The following ELAVL2 variants were observed in gnomAD, a reference collection of about 807,000 sequenced individuals.
ELAVL2 encodes the protein ELAV-like protein 2.
A neutral mutation model predicts 34.6 loss-of-function variants in ELAVL2; 4 were observed. That is an observed-to-expected ratio of 0.12 (90% CI 0.06 to 0.26). ELAVL2 has a LOEUF of 0.26. ELAVL2 is among the 10% of genes least tolerant of loss of function. The probability of loss-of-function intolerance (pLI) is 1.00; values close to 1 mark genes in which losing one functional copy is unlikely to be tolerated. For synonymous variants in ELAVL2, 193 were observed against 154.8 expected, an observed-to-expected ratio of 1.25 and a Z score of -1.83; for missense variants, 432 against 442.8, an observed-to-expected ratio of 0.98 and a Z score of 0.22.
At chr9:23,792,793 C>A (rs912289989) in intron 1 of ELAVL2, among the ~76,000 whole-genome samples, 2 of 151,962 alleles carry the variant, frequency 1.3e-5, no homozygotes, top group African/African-American at 4.8e-5. Flanking sequence ...TTTTTAGACA[C>A]AAGTTCTTAC....
At chr9:23,743,839 G>A (rs542068934) in intron 2 of ELAVL2, among the ~76,000 whole-genome samples, 14 of 152,110 alleles carry the variant, frequency 9.2e-5, no homozygotes, top group Non-Finnish European at 1.9e-4. Flanking sequence ...GAAGTTACTC[G>A]ATTTGCTTAT....
chr9:23,790,421 T>C (rs1489051884), intron 1 of ELAVL2, among the ~76,000 whole-genome samples: 1 of 152,204 alleles, frequency 6.6e-6, no homozygotes, highest in African/African-American at 2.4e-5. Flanking sequence ...TGCTTTGGAA[T>C]AGATTTTCTA....
the ELAVL2 span, among the ~76,000 whole-genome samples, chr9:23,843,262 T>C: frequency 6.6e-6 from 1 of 152,064 alleles, no homozygotes; most frequent in East Asian, 1.9e-4. Context: ...CTTATAACAA[T>C]GTTGAGAGGA....
intron 2 of ELAVL2, among the ~76,000 whole-genome samples, chr9:23,752,409 T>C (rs1479167881): frequency 6.6e-6 from 1 of 151,964 alleles, no homozygotes; most frequent in African/African-American, 2.4e-5. Flanking sequence ...CCAAACTAAG[T>C]AACAAACCTA....
At chr9:23,780,713 A>G (rs574466677) in intron 1 of ELAVL2, among the ~76,000 whole-genome samples, 1 of 152,358 alleles carries the variant, frequency 6.6e-6, no homozygotes, top group African/African-American at 2.4e-5. Flanking sequence ...ATTTTCCATA[A>G]CTAAAACATC....
chr9:23,788,038 G>T (rs956221752), intron 1 of ELAVL2, among the ~76,000 whole-genome samples: 4 of 152,314 alleles, frequency 2.6e-5, no homozygotes, highest in Admixed American at 2.6e-4. Context: ...TCATTTTGCT[G>T]AGAGAATGAA....
chr9:23,768,416 C>G (rs2056719540), intron 1 of ELAVL2, among the ~76,000 whole-genome samples: 2 of 151,494 alleles, frequency 1.3e-5, no homozygotes, highest in Non-Finnish European at 2.9e-5. Context: ...GAGCAAATCC[C>G]TCCCTAAATG....
At chr9:23,751,743 C>T (rs968133) in intron 2 of ELAVL2, among the ~76,000 whole-genome samples, 147 of 152,282 alleles carry the variant, frequency 9.7e-4, no homozygotes, top group African/African-American at 3.5e-3. Context: ...CCTTCGAAAG[C>T]CCAGTAATAG....
At chr9:23,810,476 C>T (rs567007127) in intron 1 of ELAVL2, among the ~76,000 whole-genome samples, 1 of 152,096 alleles carries the variant, frequency 6.6e-6, no homozygotes, top group Non-Finnish European at 1.5e-5. Context: ...GCCTCTAAAG[C>T]AATTTAATAT....
chr9:23,779,701 A>T (rs2136711750), intron 1 of ELAVL2, among the ~76,000 whole-genome samples: 1 of 152,104 alleles, frequency 6.6e-6, no homozygotes, highest in African/African-American at 2.4e-5. Flanking sequence ...ACCACCATCC[A>T]ATTCATAAGG....
intron 1 of ELAVL2, among the ~76,000 whole-genome samples, chr9:23,795,748 T>C (rs1442260192): frequency 6.6e-6 from 1 of 152,170 alleles, no homozygotes; most frequent in East Asian, 1.9e-4. Flanking sequence ...AGAACGAATA[T>C]TCCTTTGTTC....
chr9:23,723,497 T>C (rs975330819), intron 3 of ELAVL2, among the ~76,000 whole-genome samples: 5 of 151,878 alleles, frequency 3.3e-5, no homozygotes, highest in African/African-American at 9.7e-5. Flanking sequence ...CACACCAGCA[T>C]GGCACATGTA....
chr9:23,809,616 T>G (rs1454972091), intron 1 of ELAVL2, among the ~76,000 whole-genome samples: 3 of 152,180 alleles, frequency 2.0e-5, no homozygotes, highest in Non-Finnish European at 4.4e-5. Context: ...ATCAGTCTCA[T>G]GTACTATATT....
chr9:23,695,970 T>C (rs1385226191), intron 5 of ELAVL2, among the ~76,000 whole-genome samples: 1 of 152,198 alleles, frequency 6.6e-6, no homozygotes, highest in Admixed American at 6.5e-5. Context: ...GAATTTTTTA[T>C]AACAGGATCT....
At chr9:23,778,567 A>C (rs1265021366) in intron 1 of ELAVL2, among the ~76,000 whole-genome samples, 2 of 152,122 alleles carry the variant, frequency 1.3e-5, no homozygotes, top group African/African-American at 2.4e-5. Context: ...TACAGCCTTA[A>C]TGTTCCGGCC....
Position 23,701,359 on chromosome 9 carries a change from A to C in ELAVL2, c.713+20T>G, listed in dbSNP as rs1352167252. On this transcript the variant is annotated intron_variant, in intron 5 of 6. Transcript: ENST00000397312. Reference sequence around the variant, plus strand: ...CTCTTTCAGTTTAGTAGCTGGGCACAAGAACCAAACCAGACTTACCTAAAA... The same window carrying C: ...CTCTTTCAGTTTAGTAGCTGGGCACCAGAACCAAACCAGACTTACCTAAAA... 3.7e-6 allele frequency: 6 copies of C among 1,613,182 alleles called. No homozygotes were observed. Among genetic ancestry groups the C allele is most frequent in the Non-Finnish European group, 5.1e-6 (6 of 1,179,196 alleles).
chr9:23,697,094 T>C (rs1299002505), intron 5 of ELAVL2, among the ~76,000 whole-genome samples: 1 of 152,092 alleles, frequency 6.6e-6, no homozygotes, highest in African/African-American at 2.4e-5. Flanking sequence ...CTCTTTAGCC[T>C]GAACAAAATC....
chr9:23,830,626 C>CACACACACACACACACACACACCT (rs1491521757), upstream of ELAVL2, among the ~76,000 whole-genome samples: 5 of 72,550 alleles, frequency 6.9e-5, no homozygotes, highest in Non-Finnish European at 1.6e-4. Flanking sequence ...ACACACACAC[C>CACACACACACACACACACACACCT]TTTTTTTTTT....
At chr9:23,835,533 A>C in the ELAVL2 span, among the ~76,000 whole-genome samples, 1 of 152,142 alleles carries the variant, frequency 6.6e-6, no homozygotes, top group East Asian at 1.9e-4. Context: ...AATCTATCAA[A>C]ATAAATATCT....
Sources: allele counts gnomAD v4.1 joint callset (sites outside exome capture counted in the v4.1 genomes callset), GRCh38; gene constraint gnomAD v4.1.1; transcripts MANE v1.5; gene names NCBI Gene and HGNC (gene_info 2026-07-23, HGNC 2026-07-21).